MSANTD4: variants seen among roughly 807,000 people sequenced by gnomAD.
The protein encoded by MSANTD4 is myb/SANT-like DNA-binding domain-containing protein 4.
MSANTD4 carries 13 observed loss-of-function variants against 34.3 expected under a neutral mutation model. The ratio of observed to expected loss-of-function variants is 0.38; its 90% CI spans 0.25 to 0.60. The LOEUF is 0.60. Among genes scored for constraint, MSANTD4 ranks in the 20% least tolerant of loss-of-function variants. The pLI is 0.63. For missense variants in MSANTD4, 358 were observed against 401.8 expected, an observed-to-expected ratio of 0.89 and a Z score of 0.93; for synonymous variants, 137 against 145.2, an observed-to-expected ratio of 0.94 and a Z score of 0.41.
At chr11:106,011,459 T>C (rs1859689488) in intron 1 of MSANTD4, among the ~76,000 whole-genome samples, 1 of 152,262 alleles carries the variant, frequency 6.6e-6, no homozygotes, top group Admixed American at 6.5e-5. Context: ...CTTCTCGGTC[T>C]ATTTTATTCC....
At chr11:106,019,700 A>T (rs1859972165) in intron 1 of MSANTD4, among the ~76,000 whole-genome samples, 1 of 152,208 alleles carries the variant, frequency 6.6e-6, no homozygotes, top group South Asian at 2.1e-4. Context: ...ACTGATTTAC[A>T]TTAGGAGCAA....
rs1190497042 is a variant in MSANTD4 at position 106,010,717 on chromosome 11, T to C, written c.201A>G (p.Thr67=). The C allele has an allele frequency of 1.2e-6, 2 of 1,614,110 alleles. No individual in the cohort carries two copies. Among genetic ancestry groups the C allele is most frequent in the Non-Finnish European group, 8.5e-7 (1 of 1,180,044 alleles). Residue 67 remains threonine, a synonymous_variant, in exon 2 of 3, where the codon ACA becomes ACG. Coordinates refer to ENST00000301919, the MANE Select transcript of MSANTD4 (RefSeq NM_032424.3). ...AGTCAAGGTACCTTCTTTTCACCTC[T>C]GTCCCTGTCCTCTGTTCTCCTTCTC... is the stretch of plus-strand genomic sequence containing the variant. ...AVGEGEQRTG[T]EVKRRYLDWR... is the part of the protein sequence containing the mutation.
rs1255951340 is a variant in MSANTD4 at position 106,009,744 on chromosome 11, C to G, written c.829G>C (p.Glu277Gln). 1 of 1,614,194 alleles carries G rather than the reference C, an allele frequency of 6.2e-7. No individual in the cohort carries two copies. Among genetic ancestry groups the G allele is most frequent in the South Asian group, 1.1e-5 (1 of 91,084 alleles). The change falls in exon 3 of 3, where the codon GAA becomes CAA. Residue 277 changes from glutamate to glutamine, a missense_variant. Physicochemically the swap from Glu to Gln is conservative, Grantham distance 29 (BLOSUM62 2). Transcript: ENST00000301919. ...TTTTCTCCTTGACCAAGTTCATTTTCCAAGGACGGTTTCTCTGAATTGACT... is the reference window on the plus strand; with the variant it reads ...TTTTCTCCTTGACCAAGTTCATTTTGCAAGGACGGTTTCTCTGAATTGACT... Reference protein sequence around the residue: ...QIVNSEKPSLENELGQGEKSM... With the variant: ...QIVNSEKPSLQNELGQGEKSM...
chr11:106,017,174 T>A (rs956879366), intron 1 of MSANTD4, among the ~76,000 whole-genome samples: 22 of 152,208 alleles, frequency 1.4e-4, no homozygotes, highest in African/African-American at 5.3e-4. Context: ...TCTTAGCACA[T>A]AATCCCCACG....
rs770891318 is a variant in MSANTD4 at position 106,009,484 on chromosome 11, T to C, written c.*51A>G. The C allele has an allele frequency of 1.5e-5, 22 of 1,507,248 alleles. No individual in the cohort carries two copies. In the South Asian group the frequency reaches 2.5e-4, roughly 17 times the overall value. The allele number at this position is 1,507,248 out of a possible 1,614,324, so 93.4% of individuals were successfully genotyped here. On this transcript the variant is annotated 3_prime_UTR_variant, in exon 3 of 3. Coordinates refer to ENST00000301919, the MANE Select transcript of MSANTD4 (RefSeq NM_032424.3). ...GCAACCATCATTATATCACCTGATA[T>C]GAGAAAAATCTAGAGTTTTCAAACA...
chr11:106,015,261 C>G (rs1487511128), intron 1 of MSANTD4, among the ~76,000 whole-genome samples: 5 of 152,172 alleles, frequency 3.3e-5, no homozygotes, highest in African/African-American at 9.7e-5. Context: ...TCTGGCAATT[C>G]CTAGCTGTGT....
chr11:106,018,995 G>T (rs909994199), intron 1 of MSANTD4, among the ~76,000 whole-genome samples: 6 of 152,172 alleles, frequency 3.9e-5, no homozygotes, highest in South Asian at 2.1e-4. Flanking sequence ...GGTATATACT[G>T]AGTGTTTAAA....
At chr11:106,016,271 G>A (rs552981370) in intron 1 of MSANTD4, among the ~76,000 whole-genome samples, 4 of 152,204 alleles carry the variant, frequency 2.6e-5, no homozygotes, top group South Asian at 4.2e-4. Context: ...TCCTCTAGAG[G>A]TGACTAAAAA....
At chr11:106,017,900 G>C (rs1394240614) in intron 1 of MSANTD4, among the ~76,000 whole-genome samples, 1 of 152,128 alleles carries the variant, frequency 6.6e-6, no homozygotes, top group Non-Finnish European at 1.5e-5. Flanking sequence ...CTAGAGCTGT[G>C]TCTCTCAAAC....
intron 1 of MSANTD4, among the ~76,000 whole-genome samples, chr11:106,017,813 C>T (rs935568045): frequency 3.3e-5 from 5 of 151,796 alleles, no homozygotes; most frequent in African/African-American, 1.2e-4. Context: ...AATGAAGAGC[C>T]GAAGTTGGAA....
Position 106,009,429 on chromosome 11 carries a change from G to T in MSANTD4, c.*106C>A. 1 of 1,100,800 alleles carries T rather than the reference G, an allele frequency of 9.1e-7. No individual in the cohort carries two copies. Among genetic ancestry groups the T allele is most frequent in the Non-Finnish European group, 1.3e-6 (1 of 771,836 alleles). The allele number at this position is 1,100,800 out of a possible 1,614,324, so 68.2% of individuals were successfully genotyped here. A position where few individuals can be genotyped will look rare whatever the true frequency, so the allele number is the denominator to read the frequency against. ...ATATAACTTTTTCCTACTGAACACT[G>T]ACATTAGACAAGAAACCACAGCTAA... On this transcript the variant is annotated 3_prime_UTR_variant, in exon 3 of 3. Transcript: ENST00000301919.
At chr11:106,014,212 AT>A (rs1647316313) in intron 1 of MSANTD4, among the ~76,000 whole-genome samples, 1 of 152,250 alleles carries the variant, frequency 6.6e-6, no homozygotes, top group South Asian at 2.1e-4. Context: ...CAACTAACTT[AT>A]GTAACCTTCC....
chr11:106,010,532 G>A lies in MSANTD4; in HGVS notation c.386C>T (p.Ala129Val), dbSNP rs1418841412. 6.2e-7 allele frequency: 1 copy of A among 1,613,938 alleles called. No homozygotes were observed. Among genetic ancestry groups the A allele is most frequent in the Non-Finnish European group, 8.5e-7 (1 of 1,180,010 alleles). ...GGATCCACCTGCATCCCTGAAATCT[G>A]CCACATTTTGCCAGTCAAAATTTGC... ...NDANFDWQNV[A>V]DFRDAGGSLT... Residue 129 changes from alanine (A) to valine (V), a missense_variant, in exon 2 of 3, where the codon GCA becomes GTA. Ala to Val is a moderately conservative substitution (Grantham distance 64). Around this residue, in one of 2 missense-constraint regions of MSANTD4, gnomAD observed 312 missense variants for 317.6 expected, o/e 0.98. Coordinates refer to ENST00000301919, the MANE Select transcript of MSANTD4 (RefSeq NM_032424.3).
chr11:106,010,193 C>T (rs1859652570), intron 2 of MSANTD4, 83 bp from the exon 3 acceptor site: 8 of 1,347,534 alleles, frequency 5.9e-6, no homozygotes, highest in South Asian at 3.1e-5. Context: ...AAGCTTTCTG[C>T]GTCGTTTGGG....
rs771428176 is a variant in MSANTD4, at chr11:106,009,903, C to T, written c.670G>A (p.Glu224Lys). Residue 224 changes from glutamate (E) to lysine (K), a missense_variant, in exon 3 of 3, where the codon GAA becomes AAA. This residue lies in a region of MSANTD4 where 312 missense variants were observed against 317.6 expected (regional missense o/e 0.98). Transcript: ENST00000301919. ...LEKRRLDIEA[E>K]RLQVEKERLQ... ...CGTTCCTTTTCTACCTGCAGCCTTT[C>T]GGCCTCGATATCCAGTCGTCGTTTT... The T allele has an allele frequency of 2.5e-6, 4 of 1,613,626 alleles. No individual in the cohort carries two copies. Among genetic ancestry groups the T allele is most frequent in the East Asian group, 2.2e-5 (1 of 44,882 alleles).
At chr11:106,012,514 A>G (rs1161007092) in intron 1 of MSANTD4, among the ~76,000 whole-genome samples, 1 of 152,172 alleles carries the variant, frequency 6.6e-6, no homozygotes, top group Non-Finnish European at 1.5e-5. Flanking sequence ...TCCATGTGGC[A>G]ATATTTGTAT....
At chr11:106,017,581 A>T (rs1190778514) in intron 1 of MSANTD4, among the ~76,000 whole-genome samples, 1 of 152,198 alleles carries the variant, frequency 6.6e-6, no homozygotes, top group African/African-American at 2.4e-5. Context: ...TCTACCACCA[A>T]TGTAACTACT....
At chr11:106,014,743 C>A (rs537336934) in intron 1 of MSANTD4, among the ~76,000 whole-genome samples, 2 of 152,294 alleles carry the variant, frequency 1.3e-5, no homozygotes, top group South Asian at 2.1e-4. Context: ...TGACTTTGTA[C>A]GTGTCTAATA....
chr11:106,012,738 T>C (rs548604201), intron 1 of MSANTD4, among the ~76,000 whole-genome samples: 1 of 152,294 alleles, frequency 6.6e-6, no homozygotes, highest in South Asian at 2.1e-4. Flanking sequence ...TCCAGATAAC[T>C]CTAATGCACA....
Sources: allele counts gnomAD v4.1 joint callset (sites outside exome capture counted in the v4.1 genomes callset), GRCh38; gene constraint gnomAD v4.1.1; regional missense constraint gnomAD v4.1.1; transcripts MANE v1.5; gene names NCBI Gene and HGNC (gene_info 2026-07-23, HGNC 2026-07-21).